The following STAB2 variants were observed in gnomAD, a reference collection of about 807,000 sequenced individuals.
The protein encoded by STAB2 is stabilin 2, also known as stabilin-2.
Under a neutral mutation model 338.1 loss-of-function variants are expected in STAB2, and 288 were observed. The ratio of observed to expected loss-of-function variants is 0.85; its 90% CI spans 0.77 to 0.94. The LOEUF (loss-of-function observed/expected upper bound fraction) is 0.94, where lower values mean the gene tolerates loss of function less well. STAB2 is among the 40% of genes least tolerant of loss of function. The probability of loss-of-function intolerance (pLI) is 0.00; values close to 1 mark genes in which losing one functional copy is unlikely to be tolerated. For missense variants in STAB2, 3,141 were observed against 3,210.1 expected, an observed-to-expected ratio of 0.98 and a Z score of 0.52; for synonymous variants, 1,202 against 1,193.3, an observed-to-expected ratio of 1.01 and a Z score of -0.15.
chr12:103,706,903 GGT>G lies in STAB2; in HGVS notation c.4116_4117del (p.Cys1372Ter), dbSNP rs746069975. 1 of 1,614,246 alleles carries G rather than the reference GGT, an allele frequency of 6.2e-7. No individual in the cohort carries two copies. The highest frequency in any genetic ancestry group is 8.5e-7 in the Non-Finnish European group (1 of 1,180,052). ...CTGTTTGGATGGAGTGAATGGCACA[GGT>G]GTGTGTGAGTGTGGGGAGGGCTTCA... ...GICLDGVNGTGVCECGEGFSG... is the reference protein window; with the variant it reads ...GICLDGVNGTXVCECGEGFSG... On this transcript the variant is annotated frameshift_variant, in exon 38 of 69. Coordinates refer to ENST00000388887, the MANE Select transcript of STAB2 (RefSeq NM_017564.10). LOFTEE classifies it high-confidence loss of function.
At chr12:103,670,892 T>C in intron 22 of STAB2, 85 bp downstream of exon 22, 6 of 1,093,862 alleles carry the variant, frequency 5.5e-6, no homozygotes, top group Non-Finnish European at 8.2e-6. Flanking sequence ...AGGGCTGGTG[T>C]CTCAGGACCC....
Position 103,692,879 on chromosome 12 carries a change from T to A in STAB2, c.3365T>A (p.Ile1122Asn), listed in dbSNP as rs553417865. The A allele has an allele frequency of 8.7e-6, 14 of 1,613,142 alleles. No homozygotes were observed. The South Asian group carries it at 1.5e-4, about 18-fold the overall frequency. ...DNAATNGVIH[I>N]INKVLVPQRR... The stretch of plus-strand genomic sequence containing the variant: ...GCAGCCACAAATGGAGTGATACACA[T>A]CATCAACAAGGTACAAGATTCCATT... Residue 1122 changes from isoleucine to asparagine, a missense_variant, in exon 31 of 69, where the codon ATC becomes AAC. By Grantham distance (149) the Ile-to-Asn change is moderately radical. Transcript: ENST00000388887.
chr12:103,764,799 T>C (rs1267922776), intron 68 of STAB2, among the ~76,000 whole-genome samples: 3 of 152,206 alleles, frequency 2.0e-5, no homozygotes, highest in African/African-American at 7.2e-5. Flanking sequence ...CTGGTTCACA[T>C]TTCAAGGGTA....
At chr12:103,633,836 C>G (rs1413006827) in intron 6 of STAB2, among the ~76,000 whole-genome samples, 1 of 152,066 alleles carries the variant, frequency 6.6e-6, no homozygotes, top group African/African-American at 2.4e-5. Flanking sequence ...ACAAATTTTA[C>G]CCATCTGTGG....
At chr12:103,698,284 C>G (rs908412538) in intron 33 of STAB2, among the ~76,000 whole-genome samples, 1 of 152,136 alleles carries the variant, frequency 6.6e-6, no homozygotes, top group Non-Finnish European at 1.5e-5. Context: ...CACTTAGGAA[C>G]CTTCTCCTCT....
chr12:103,624,009 T>C (rs987375433), intron 5 of STAB2, among the ~76,000 whole-genome samples: 1 of 152,206 alleles, frequency 6.6e-6, no homozygotes, highest in Non-Finnish European at 1.5e-5. Flanking sequence ...ATTGGGTAGC[T>C]TTTTGCCAAC....
intron 44 of STAB2, among the ~76,000 whole-genome samples, chr12:103,721,635 A>G (rs11111732): frequency 0.15 from 22,923 of 152,186 alleles, 2,396 homozygotes; most frequent in African/African-American, 0.3. Context: ...AAGACTAATG[A>G]TGCTGACCAA....
Position 103,746,657 on chromosome 12 carries a change from C to T in STAB2, c.6197C>T (p.Thr2066Met), listed in dbSNP as rs1469454226. 9 of 1,613,982 alleles carry T rather than the reference C, an allele frequency of 5.6e-6. No individual in the cohort carries two copies. The highest frequency in any genetic ancestry group is 1.7e-5 in the Admixed American group (1 of 60,004). Reference sequence around the variant, plus strand: ...CATGCCACCTGTAAGGAGAACAACACGTGTGAGTGTAACCTGGATTATGAA... The same window carrying T: ...CATGCCACCTGTAAGGAGAACAACATGTGTGAGTGTAACCTGGATTATGAA... ...SAHATCKENN[T>M]CECNLDYEGD... Residue 2066 changes from threonine (T) to methionine (M), a missense_variant, in exon 58 of 69, where the codon ACG (threonine) becomes ATG (methionine). By Grantham distance (81) the Thr-to-Met change is moderately conservative. Coordinates refer to ENST00000388887, the MANE Select transcript of STAB2 (RefSeq NM_017564.10).
At chr12:103,716,903 C>T (rs17583022) in intron 43 of STAB2, among the ~76,000 whole-genome samples, 7,285 of 152,272 alleles carry the variant, frequency 0.048, 211 homozygotes, top group Non-Finnish European at 0.061. Context: ...TGAGGAGGGA[C>T]AGCTGGTGAT....
chr12:103,696,828 C>T (rs1878449253), intron 33 of STAB2, among the ~76,000 whole-genome samples: 1 of 152,118 alleles, frequency 6.6e-6, no homozygotes, highest in Non-Finnish European at 1.5e-5. Flanking sequence ...ATGCTTGTTC[C>T]TATGAGCTCA....
At chr12:103,759,091 T>C in intron 64 of STAB2, 42 bp from the exon 65 acceptor site, 2 of 1,614,038 alleles carry the variant, frequency 1.2e-6, no homozygotes, top group Non-Finnish European at 1.7e-6. Flanking sequence ...AAAATATTGC[T>C]TGGCCTTTGA....
intron 65 of STAB2, among the ~76,000 whole-genome samples, chr12:103,760,151 A>G (rs1306033787): frequency 6.6e-6 from 1 of 152,184 alleles, no homozygotes; most frequent in Non-Finnish European, 1.5e-5. Context: ...GGGAAATTGT[A>G]TTACCTGCTT....
Position 103,676,034 on chromosome 12 carries a change from C to G in STAB2, c.2646+13C>G, listed in dbSNP as rs764312756. On this transcript the variant is annotated intron_variant, in intron 24 of 68. Coordinates refer to ENST00000388887, the MANE Select transcript of STAB2 (RefSeq NM_017564.10). ...CTGTAGCCGCAATGTGAGTACTGGT[C>G]TTCATTTCCACCCTGCCTGGTTTCT... is the stretch of plus-strand genomic sequence containing the variant. 8.6e-7 allele frequency: 1 copy of G among 1,164,006 alleles called. No homozygotes were observed. 72.1% of individuals were successfully genotyped at this position (1,164,006 alleles called of 1,614,324 possible).
In STAB2 at chr12:103,652,664, A is replaced by C. The variant is rs1315451331; in HGVS notation, c.1366A>C (p.Thr456Pro). Residue 456 changes from threonine to proline, a missense_variant, in exon 12 of 69, where the codon ACC (threonine) becomes CCC (proline). Thr to Pro is a conservative substitution (Grantham distance 38). Transcript: ENST00000388887. Reference protein sequence around the residue: ...EYMNNTDMFYTLTGKSGEIFN... With the variant: ...EYMNNTDMFYPLTGKSGEIFN... ...TATGAATAACACAGACATGTTCTAC[A>C]CCTTGACTGGAAAGTCGGGGGAAAT... is the stretch of plus-strand genomic sequence containing the variant. 8 of 1,603,986 alleles carry C rather than the reference A, an allele frequency of 5.0e-6. No homozygotes were observed. Among genetic ancestry groups the C allele is most frequent in the Non-Finnish European group, 6.8e-6 (8 of 1,176,030 alleles).
chr12:103,638,625 A>G (rs1957591144), intron 8 of STAB2, among the ~76,000 whole-genome samples: 2 of 152,210 alleles, frequency 1.3e-5, no homozygotes, highest in Non-Finnish European at 2.9e-5. Flanking sequence ...AACGAATGAA[A>G]CAGATAAAAT....
Position 103,638,088 on chromosome 12 carries a change from G to T in STAB2, c.782G>T (p.Ser261Ile), listed in dbSNP as rs767097016. The part of the protein sequence containing the change: ...HCTYLGPNRH[S>I]CTCQEGYRGD... ...ACGTACCTGGGACCAAATCGGCACAGTTGTACATGCCAAGAAGGCTACCGT... is the reference window on the plus strand; with the variant it reads ...ACGTACCTGGGACCAAATCGGCACATTTGTACATGCCAAGAAGGCTACCGT... The change falls in exon 8 of 69, where the codon AGT becomes ATT. Residue 261 changes from serine to isoleucine, a missense_variant. By Grantham distance (142) the Ser-to-Ile change is moderately radical. Coordinates refer to ENST00000388887, the MANE Select transcript of STAB2 (RefSeq NM_017564.10). The T allele has an allele frequency of 1.9e-6, 3 of 1,614,218 alleles. No homozygotes were observed. The highest frequency in any genetic ancestry group is 2.2e-5 in the South Asian group (2 of 91,088).
chr12:103,673,817 A>C (rs1876065367), intron 22 of STAB2, 90 bp from the exon 23 acceptor site: 1 of 1,371,402 alleles, frequency 7.3e-7, no homozygotes, highest in East Asian at 2.4e-5. Context: ...GGGGGTGAGA[A>C]GAGGTGGTCC....
chr12:103,748,920 A>G (rs1211356384), intron 58 of STAB2, 43 bp from the exon 59 acceptor site: 1 of 1,581,732 alleles, frequency 6.3e-7, no homozygotes, highest in Non-Finnish European at 8.6e-7. Context: ...CCCTAGTTCC[A>G]CAGAAGGTGG....
At chr12:103,630,380 C>G (rs1957441084) in intron 5 of STAB2, among the ~76,000 whole-genome samples, 1 of 152,168 alleles carries the variant, frequency 6.6e-6, no homozygotes, top group Non-Finnish European at 1.5e-5. Context: ...TAAGCAGGTG[C>G]ATCTTCTTAA....
Sources: allele counts gnomAD v4.1 joint callset (sites outside exome capture counted in the v4.1 genomes callset), GRCh38; gene constraint gnomAD v4.1.1; transcripts MANE v1.5; gene names NCBI Gene and HGNC (gene_info 2026-07-23, HGNC 2026-07-21).